PDLIM5: variants seen among roughly 807,000 people sequenced by gnomAD.
PDLIM5 encodes PDZ and LIM domain protein 5.
A neutral mutation model predicts 64.2 loss-of-function variants in PDLIM5; 34 were observed. The ratio of observed to expected loss-of-function variants is 0.53; its 90% CI spans 0.40 to 0.71. The LOEUF (loss-of-function observed/expected upper bound fraction) is 0.71. Among genes scored for constraint, PDLIM5 ranks in the 30% least tolerant of loss-of-function variants. PDLIM5 has a pLI of 0.00. For missense variants in PDLIM5, 683 were observed against 733.6 expected (o/e 0.93, Z 0.80); for synonymous variants, 253 against 269.1 (o/e 0.94, Z 0.59).
Position 94,665,164 on chromosome 4 carries a change from C to T in PDLIM5, c.*1097C>T, listed in dbSNP as rs74599592. 9.4e-3 allele frequency: 9,030 copies of T among 956,416 alleles called. 62 individuals carry two copies. Among genetic ancestry groups the T allele is most frequent in the Non-Finnish European group, 0.01 (8,286 of 803,368 alleles). 59.2% of individuals were successfully genotyped at this position (956,416 alleles called of 1,614,324 possible). A position where few individuals can be genotyped will look rare whatever the true frequency, so the allele number is the denominator to read the frequency against. On this transcript the variant is annotated 3_prime_UTR_variant, in exon 13 of 13. Transcript: ENST00000317968. Reference sequence around the variant, plus strand: ...AGATTTAATTAAATAATTTTGGCCTCTCATAGTTTTCTCTCTCTTTAAAGA... The same window carrying T: ...AGATTTAATTAAATAATTTTGGCCTTTCATAGTTTTCTCTCTCTTTAAAGA...
At chr4:94,515,819 A>G (rs905740815) in intron 2 of PDLIM5, among the ~76,000 whole-genome samples, 3 of 152,168 alleles carry the variant, frequency 2.0e-5, no homozygotes, top group Non-Finnish European at 4.4e-5. Context: ...TATTTGTGAC[A>G]TTTCCTATCA....
At chr4:94,495,458 T>G (rs1046956249) in intron 2 of PDLIM5, among the ~76,000 whole-genome samples, 1 of 152,080 alleles carries the variant, frequency 6.6e-6, no homozygotes, top group African/African-American at 2.4e-5. Flanking sequence ...GATGTTGACC[T>G]TAACAACATC....
At chr4:94,461,402 T>C (rs183886579) in intron 2 of PDLIM5, among the ~76,000 whole-genome samples, 407 of 152,328 alleles carry the variant, frequency 2.7e-3, no homozygotes, top group African/African-American at 8.8e-3. Context: ...TGGTGTCTAC[T>C]GATTCTTTAG....
intron 2 of PDLIM5, among the ~76,000 whole-genome samples, chr4:94,517,657 G>A (rs894620440): frequency 2.0e-5 from 3 of 152,088 alleles, no homozygotes; most frequent in Non-Finnish European, 4.4e-5. Flanking sequence ...TAGCCCTCAT[G>A]TTTATATGTT....
intron 3 of PDLIM5, among the ~76,000 whole-genome samples, chr4:94,561,988 G>A (rs940899473): frequency 6.6e-6 from 1 of 152,200 alleles, no homozygotes; most frequent in Non-Finnish European, 1.5e-5. Flanking sequence ...ACATGTACTA[G>A]CCAGAGCTCT....
chr4:94,571,518 A>T (rs1046876760), intron 3 of PDLIM5, among the ~76,000 whole-genome samples: 2 of 152,132 alleles, frequency 1.3e-5, no homozygotes, highest in African/African-American at 4.8e-5. Context: ...CGTTGCCAAG[A>T]TCTCTCTCTG....
intron 4 of PDLIM5, 68 bp downstream of exon 4, chr4:94,573,461 A>G (rs762182532): frequency 1.8e-6 from 2 of 1,139,580 alleles, no homozygotes; most frequent in East Asian, 2.3e-5. Context: ...AATTCCCATT[A>G]CTGTCTCAGA....
intron 7 of PDLIM5, among the ~76,000 whole-genome samples, chr4:94,612,724 G>A (rs1738477846): frequency 6.6e-6 from 1 of 151,688 alleles, no homozygotes; most frequent in Non-Finnish European, 1.5e-5. Context: ...GGCATTCTGG[G>A]GTTTCCTGAG....
At chr4:94,613,865 A>G (rs1312665506) in intron 7 of PDLIM5, among the ~76,000 whole-genome samples, 2 of 152,014 alleles carry the variant, frequency 1.3e-5, no homozygotes, top group African/African-American at 4.8e-5. Context: ...ATGCTATACT[A>G]TATTAATACA....
chr4:94,508,670 T>C (rs1420813525), intron 2 of PDLIM5, among the ~76,000 whole-genome samples: 1 of 152,202 alleles, frequency 6.6e-6, no homozygotes, highest in East Asian at 1.9e-4. Flanking sequence ...GCACATAATA[T>C]ATACAATCTG....
chr4:94,483,351 A>C (rs752327056), intron 2 of PDLIM5, among the ~76,000 whole-genome samples: 2 of 152,190 alleles, frequency 1.3e-5, no homozygotes, highest in African/African-American at 2.4e-5. Context: ...AATAAACCCA[A>C]TGTACCCATC....
Position 94,573,347 on chromosome 4 carries a change from T to C in PDLIM5, c.249-4T>C. The C allele has an allele frequency of 6.2e-7, 1 of 1,609,196 alleles. No individual in the cohort carries two copies. The highest frequency in any genetic ancestry group is 2.2e-5 in the East Asian group (1 of 44,838). ...TTTTTCTTTTTCTTTCTTTTTTTCCTCAGAGCATCTGCTGCACCCAAGCCT... is the reference window on the plus strand; with the variant it reads ...TTTTTCTTTTTCTTTCTTTTTTTCCCCAGAGCATCTGCTGCACCCAAGCCT... On this transcript the variant is annotated splice_polypyrimidine_tract_variant and splice_region_variant and intron_variant, in intron 3 of 12. Coordinates refer to ENST00000317968, the MANE Select transcript of PDLIM5 (RefSeq NM_006457.5).
At chr4:94,629,838 A>G (rs1739999622) in intron 8 of PDLIM5, among the ~76,000 whole-genome samples, 1 of 152,244 alleles carries the variant, frequency 6.6e-6, no homozygotes, top group Non-Finnish European at 1.5e-5. Flanking sequence ...TAAAAATTGC[A>G]CAATCGTCTC....
intron 2 of PDLIM5, among the ~76,000 whole-genome samples, chr4:94,493,535 C>T (rs867892756): frequency 1.6e-4 from 24 of 152,028 alleles, no homozygotes; most frequent in African/African-American, 4.6e-4. Flanking sequence ...AGGTTAGTCT[C>T]AATGACCCTT....
intron 3 of PDLIM5, among the ~76,000 whole-genome samples, chr4:94,563,707 A>T (rs1006680074): frequency 6.6e-6 from 1 of 152,350 alleles, no homozygotes; most frequent in East Asian, 1.9e-4. Flanking sequence ...TATAAAGGTG[A>T]ACCTCAAATA....
intron 7 of PDLIM5, among the ~76,000 whole-genome samples, chr4:94,590,949 C>A (rs1322790003): frequency 6.6e-6 from 1 of 151,992 alleles, no homozygotes; most frequent in Admixed American, 6.6e-5. Flanking sequence ...GGTACCAGCC[C>A]TGATTATTAA....
intron 3 of PDLIM5, among the ~76,000 whole-genome samples, chr4:94,555,859 GTT>G (rs1446291797): frequency 6.6e-6 from 1 of 151,430 alleles, no homozygotes; most frequent in Non-Finnish European, 1.5e-5. Flanking sequence ...ATTTAGGGAA[GTT>G]AATTAACTTG....
chr4:94,550,304 GA>G (rs1214492074), intron 3 of PDLIM5, among the ~76,000 whole-genome samples: 1 of 152,040 alleles, frequency 6.6e-6, no homozygotes, highest in Non-Finnish European at 1.5e-5. Flanking sequence ...GGACATTTCT[GA>G]AAGATTTATG....
chr4:94,542,169 A>G (rs896436952), intron 3 of PDLIM5, among the ~76,000 whole-genome samples: 1 of 152,086 alleles, frequency 6.6e-6, no homozygotes, highest in Admixed American at 6.6e-5. Context: ...AAAATTAGCC[A>G]GGTGTAGTGG....
Sources: gnomAD v4.1 joint callset for allele counts (sites outside exome capture counted in the v4.1 genomes callset) on GRCh38, gnomAD v4.1.1 for gene constraint, MANE v1.5 for transcripts, NCBI Gene and HGNC (gene_info 2026-07-23, HGNC 2026-07-21) for gene names.